The following C10orf67 variants were observed in gnomAD, a reference collection of about 807,000 sequenced individuals.
C10orf67 encodes the protein chromosome 10 open reading frame 67.
A neutral mutation model predicts 35.6 loss-of-function variants in C10orf67; 60 were observed. The ratio of observed to expected loss-of-function variants is 1.68; its 90% confidence interval spans 1.37 to 2.09. The LOEUF (loss-of-function observed/expected upper bound fraction) is 2.09, where lower values mean the gene tolerates loss of function less well. Among genes scored for constraint, C10orf67 ranks in the 30% most tolerant of loss-of-function variants. The pLI, the probability that C10orf67 is intolerant of heterozygous loss-of-function variation, is 0.00. For missense variants in C10orf67, 474 were observed against 330.2 expected, an observed-to-expected ratio of 1.44 and a Z score of -3.38; for synonymous variants, 167 against 115.8, an observed-to-expected ratio of 1.44 and a Z score of -2.84.
At chr10:23,220,556 T>G (rs1841549278) in intron 15 of C10orf67, among the ~76,000 whole-genome samples, 1 of 152,180 alleles carries the variant, frequency 6.6e-6, no homozygotes. Flanking sequence ...TTCCATGTTG[T>G]CATGCATGAA....
intron 12 of C10orf67, among the ~76,000 whole-genome samples, chr10:23,248,931 A>T (rs563272314): frequency 2.1e-4 from 32 of 151,940 alleles, no homozygotes; most frequent in Middle Eastern, 3.2e-3. Context: ...TAGAAAATCA[A>T]TTAGAAGTAA....
intron 8 of C10orf67, among the ~76,000 whole-genome samples, chr10:23,270,251 T>C (rs1842979923): frequency 6.6e-6 from 1 of 152,064 alleles, no homozygotes. Context: ...GGTGGGGTGA[T>C]GGTCCACCCA....
At chr10:23,267,080 C>A (rs1199823713) in intron 9 of C10orf67, 115 bp downstream of exon 9, 1 of 597,072 alleles carries the variant, frequency 1.7e-6, no homozygotes, top group African/African-American at 1.9e-5. Context: ...TTTTCAAACT[C>A]AGGTTGGAAA....
intron 10 of C10orf67, among the ~76,000 whole-genome samples, chr10:23,265,424 C>T (rs534092344): frequency 6.6e-6 from 1 of 152,334 alleles, no homozygotes; most frequent in African/African-American, 2.4e-5. Context: ...CACGTAGGAA[C>T]AGGACAGAGT....
intron 4 of C10orf67, among the ~76,000 whole-genome samples, chr10:23,310,192 A>C (rs1844444799): frequency 6.6e-6 from 1 of 152,192 alleles, no homozygotes; most frequent in Non-Finnish European, 1.5e-5. Context: ...CTTAGTAACA[A>C]CTTTAACCTT....
intron 12 of C10orf67, 30 bp downstream of exon 12, chr10:23,250,425 G>T: frequency 2.5e-6 from 1 of 398,262 alleles, no homozygotes; most frequent in South Asian, 1.3e-4. Context: ...CATGTTTTTA[G>T]AAATAGAATT....
intron 2 of C10orf67, among the ~76,000 whole-genome samples, chr10:23,328,993 C>CAAAAAAAAAAAAAAAAAAAAAAAAAAAA (rs57772405): frequency 1.7e-4 from 13 of 78,734 alleles, no homozygotes; most frequent in African/African-American, 2.4e-4. Context: ...CATAAACGAA[C>CAAAAAAAAAAAAAAAAAAAAAAAAAAAA]AAAAAAAAAA....
At chr10:23,222,872 C>T (rs1209045718) in intron 15 of C10orf67, among the ~76,000 whole-genome samples, 3 of 152,110 alleles carry the variant, frequency 2.0e-5, no homozygotes, top group African/African-American at 4.8e-5. Flanking sequence ...AGCCAGGTTG[C>T]CCAGGCTGGT....
chr10:23,233,662 G>A (rs1841969045), intron 13 of C10orf67, among the ~76,000 whole-genome samples: 1 of 152,158 alleles, frequency 6.6e-6, no homozygotes, highest in Non-Finnish European at 1.5e-5. Flanking sequence ...TCTACAAAGA[G>A]TAAATTAACA....
At chr10:23,296,394 C>A (rs758072404) in intron 5 of C10orf67, among the ~76,000 whole-genome samples, 3 of 152,146 alleles carry the variant, frequency 2.0e-5, no homozygotes, top group Non-Finnish European at 4.4e-5. Context: ...TTTCAGTGAG[C>A]TCTCCTTACT....
At chr10:23,211,794 A>G (rs1841316329) in intron 15 of C10orf67, among the ~76,000 whole-genome samples, 2 of 152,202 alleles carry the variant, frequency 1.3e-5, no homozygotes, top group Admixed American at 1.3e-4. Flanking sequence ...TGGTGGGGGA[A>G]GAAGAGAGAA....
chr10:23,213,916 C>A (rs1411315241), intron 15 of C10orf67, among the ~76,000 whole-genome samples: 2 of 148,254 alleles, frequency 1.3e-5, no homozygotes, highest in Admixed American at 1.3e-4. Context: ...CTAAAGAGAA[C>A]TAAAAAGAAA....
At chr10:23,230,811 G>A (rs1841886879) in intron 13 of C10orf67, among the ~76,000 whole-genome samples, 3 of 152,166 alleles carry the variant, frequency 2.0e-5, no homozygotes, top group African/African-American at 4.8e-5. Context: ...TGGCAAAAAT[G>A]ATGAAGTCTG....
intron 1 of C10orf67, among the ~76,000 whole-genome samples, chr10:23,341,359 C>T (rs372222864): frequency 3.3e-5 from 5 of 152,114 alleles, no homozygotes; most frequent in East Asian, 1.9e-4. Flanking sequence ...CATTATCCTC[C>T]CCATCCGGGT....
At chr10:23,238,881 G>A (rs1842109222) in intron 13 of C10orf67, among the ~76,000 whole-genome samples, 1 of 152,076 alleles carries the variant, frequency 6.6e-6, no homozygotes, top group Admixed American at 6.6e-5. Context: ...TATAAACTTA[G>A]TTATAAACAG....
intron 5 of C10orf67, among the ~76,000 whole-genome samples, chr10:23,302,060 A>G (rs1844097110): frequency 6.6e-6 from 1 of 152,218 alleles, no homozygotes; most frequent in Non-Finnish European, 1.5e-5. Context: ...CTCAAGCCGT[A>G]ACAAACACGG....
In C10orf67 at chr10:23,242,164, G is replaced by A. The variant is rs533212658; in HGVS notation, c.1347-2348C>T. 5.3e-5 allele frequency among the ~76,000 whole-genome samples: 8 copies of A among 152,086 alleles called. No homozygotes were observed. In the East Asian group the frequency reaches 1.4e-3, roughly 26 times the overall value. On this transcript the variant is annotated intron_variant, in intron 12 of 15. Coordinates refer to ENST00000636213, the MANE Select transcript of C10orf67 (RefSeq NM_001371909.1). ...TTTTTGTATTTTTAGTAGAGATGGG[G>A]TTTCACTGTGTTGTGAGGCTGGTCT...
chr10:23,327,720 G>A (rs892059567), intron 2 of C10orf67, among the ~76,000 whole-genome samples: 2 of 151,972 alleles, frequency 1.3e-5, no homozygotes, highest in African/African-American at 2.4e-5. Flanking sequence ...AGCTACTCAG[G>A]AGGCTGAGGC....
chr10:23,251,272 C>T (rs1842448611), intron 10 of C10orf67, among the ~76,000 whole-genome samples: 3 of 152,132 alleles, frequency 2.0e-5, no homozygotes, highest in African/African-American at 7.2e-5. Flanking sequence ...CCTTAAGCTG[C>T]CCCTTTTTGT....
Sources: allele counts gnomAD v4.1 joint callset (sites outside exome capture counted in the v4.1 genomes callset), GRCh38; gene constraint gnomAD v4.1.1; transcripts MANE v1.5; gene names NCBI Gene and HGNC (gene_info 2026-07-23, HGNC 2026-07-21).